Variants in SLC38A1 observed in about 807,000 individuals in gnomAD.
The protein encoded by SLC38A1 is sodium-coupled neutral amino acid symporter 1.
SLC38A1 carries 18 observed loss-of-function variants against 60.3 expected under a neutral mutation model. The ratio of observed to expected loss-of-function variants is 0.30; its 90% CI spans 0.21 to 0.44. SLC38A1 has a LOEUF of 0.44. Among genes scored for constraint, SLC38A1 ranks in the 20% least tolerant of loss-of-function variants. SLC38A1 has a pLI of 1.00. For missense variants in SLC38A1, 448 were observed against 587.2 expected, an observed-to-expected ratio of 0.76 and a Z score of 2.45; for synonymous variants, 196 against 212.1, an observed-to-expected ratio of 0.92 and a Z score of 0.66.
At chr12:46,194,318 G>A (rs544770809) in intron 16 of SLC38A1, among the ~76,000 whole-genome samples, 3 of 152,326 alleles carry the variant, frequency 2.0e-5, no homozygotes, top group East Asian at 3.9e-4. Flanking sequence ...TAGTCTGACA[G>A]GCTTCCTTTT....
intron 5 of SLC38A1, among the ~76,000 whole-genome samples, chr12:46,223,054 C>T (rs142835206): frequency 6.8e-4 from 103 of 152,156 alleles, no homozygotes; most frequent in Non-Finnish European, 1.1e-3. Flanking sequence ...TGCAAGCATC[C>T]GTTGATAAAA....
intron 5 of SLC38A1, among the ~76,000 whole-genome samples, chr12:46,210,752 C>T (rs896389289): frequency 4.6e-5 from 7 of 152,110 alleles, no homozygotes; most frequent in Admixed American, 1.3e-4. Flanking sequence ...CTCTTGTCTG[C>T]GGGCAAGTAA....
chr12:46,220,032 C>T (rs1295382612), intron 5 of SLC38A1, among the ~76,000 whole-genome samples: 2 of 152,232 alleles, frequency 1.3e-5, no homozygotes, highest in Admixed American at 1.3e-4. Context: ...AGATGCATCA[C>T]AGACGACTCA....
At chr12:46,259,071 T>A (rs1942119968) in intron 1 of SLC38A1, among the ~76,000 whole-genome samples, 1 of 152,204 alleles carries the variant, frequency 6.6e-6, no homozygotes, top group Non-Finnish European at 1.5e-5. Flanking sequence ...AGTGACCACG[T>A]GAGATGATGG....
chr12:46,202,978 G>T, intron 12 of SLC38A1, 32 bp downstream of exon 12: 1 of 1,555,380 alleles, frequency 6.4e-7, no homozygotes, highest in South Asian at 1.1e-5. Context: ...GATGTAAAAC[G>T]ATTAAGATAA....
At chr12:46,199,793 G>T (rs1477104963) in intron 13 of SLC38A1, among the ~76,000 whole-genome samples, 1 of 152,044 alleles carries the variant, frequency 6.6e-6, no homozygotes, top group Non-Finnish European at 1.5e-5. Flanking sequence ...TTCCCCTCCT[G>T]TCTCCTGCAA....
chr12:46,247,789 G>T (rs1279015294), intron 1 of SLC38A1, among the ~76,000 whole-genome samples: 57 of 152,186 alleles, frequency 3.7e-4, no homozygotes, highest in Non-Finnish European at 1.0e-4. Flanking sequence ...CAGAGAGAAA[G>T]GTCGGGTTAC....
chr12:46,204,696 TATTTC>T (rs1225731626), intron 9 of SLC38A1, 106 bp from the exon 10 acceptor site: 2 of 732,886 alleles, frequency 2.7e-6, no homozygotes, highest in African/African-American at 3.6e-5. Flanking sequence ...TCACCTCACT[TATTTC>T]AGTGCATTAT....
intron 3 of SLC38A1, among the ~76,000 whole-genome samples, chr12:46,232,278 G>T (rs915606650): frequency 6.6e-6 from 1 of 152,224 alleles, no homozygotes; most frequent in African/African-American, 2.4e-5. Context: ...ACCAGTATAG[G>T]AACGTCAGGC....
chr12:46,218,899 C>A (rs952909269), intron 5 of SLC38A1, among the ~76,000 whole-genome samples: 1 of 151,834 alleles, frequency 6.6e-6, no homozygotes. Context: ...ACTGGTTGGG[C>A]GAGATTACCA....
rs545142963 is a variant in SLC38A1 at position 46,268,823 on chromosome 12, A to G, written c.-506T>C. ...GATTGCATCAGAATCTCCCCTCACC[A>G]CCAACCCCCACTCACACTCTGCTCG... On this transcript the variant is annotated 5_prime_UTR_variant, in exon 1 of 17. Coordinates refer to ENST00000398637, the MANE Select transcript of SLC38A1 (RefSeq NM_030674.4). The surrounding 1 kb of genome is among the most constrained non-coding windows in gnomAD (Gnocchi z 4.4). 433 of 443,454 alleles carry G rather than the reference A, an allele frequency of 9.8e-4. 1 individual carries two copies. Among genetic ancestry groups the G allele is most frequent in the Non-Finnish European group, 1.7e-3 (378 of 218,500 alleles). The allele number at this position is 443,454 out of a possible 1,614,324, so 27.5% of individuals were successfully genotyped here. A position where few individuals can be genotyped will look rare whatever the true frequency, so the allele number is the denominator to read the frequency against.
chr12:46,248,120 A>G (rs1452770628), intron 1 of SLC38A1, among the ~76,000 whole-genome samples: 2 of 152,190 alleles, frequency 1.3e-5, no homozygotes, highest in Non-Finnish European at 1.5e-5. Context: ...TGAAGAAACT[A>G]CATCAATTAA....
At chr12:46,229,320 T>A (rs1225293338) in intron 4 of SLC38A1, 52 bp from the exon 5 acceptor site, 2 of 1,295,636 alleles carry the variant, frequency 1.5e-6, no homozygotes, top group African/African-American at 2.9e-5. Flanking sequence ...CCAAGAAAGT[T>A]CATCAAGCCA....
chr12:46,200,537 G>A (rs191588544), intron 13 of SLC38A1, among the ~76,000 whole-genome samples: 11 of 152,124 alleles, frequency 7.2e-5, no homozygotes, highest in South Asian at 2.1e-4. Context: ...AGTAAACGCC[G>A]GTAAACTGTT....
At chr12:46,204,988 G>A (rs947604083) in intron 9 of SLC38A1, among the ~76,000 whole-genome samples, 1 of 152,158 alleles carries the variant, frequency 6.6e-6, no homozygotes, top group Non-Finnish European at 1.5e-5. Flanking sequence ...CCCCTCAATA[G>A]CTCTTTATTA....
chr12:46,210,651 T>A (rs1402573869), intron 5 of SLC38A1, among the ~76,000 whole-genome samples: 1 of 152,168 alleles, frequency 6.6e-6, no homozygotes, highest in Non-Finnish European at 1.5e-5. Flanking sequence ...GGGGCAGTTC[T>A]CTCATACTGT....
chr12:46,211,351 G>A (rs1346026635), intron 5 of SLC38A1, among the ~76,000 whole-genome samples: 1 of 152,210 alleles, frequency 6.6e-6, no homozygotes, highest in African/African-American at 2.4e-5. Context: ...CAAGGCTAAT[G>A]TATAAAGAGT....
chr12:46,226,617 C>CTTTTTT (rs199599486), intron 5 of SLC38A1, among the ~76,000 whole-genome samples: 1 of 122,980 alleles, frequency 8.1e-6, no homozygotes, highest in African/African-American at 2.9e-5. Flanking sequence ...CATGGATTTC[C>CTTTTTT]TTTTTTTTTT....
Position 46,209,063 on chromosome 12 carries a change from T to C in SLC38A1, c.379A>G (p.Lys127Glu). The part of the protein sequence containing the change: ...YSINLLLICS[K>E]ETGCMVYEKL... Reference sequence around the variant, plus strand: ...CACGTCCTCAGCTTACCTGTTTCTTTTGAACAGATCAATAGGAGGTTTATT... The same window carrying C: ...CACGTCCTCAGCTTACCTGTTTCTTCTGAACAGATCAATAGGAGGTTTATT... The change falls in exon 6 of 17, where the codon AAA (lysine) becomes GAA (glutamate). Residue 127 changes from lysine to glutamate, a missense_variant. Transcript: ENST00000398637. 1 of 1,610,512 alleles carries C rather than the reference T, an allele frequency of 6.2e-7. No individual in the cohort carries two copies.
Sources: gnomAD v4.1 joint callset for allele counts (sites outside exome capture counted in the v4.1 genomes callset) on GRCh38, gnomAD v4.1.1 for gene constraint, Gnocchi (gnomAD v3.1) non-coding constraint, MANE v1.5 for transcripts, NCBI Gene and HGNC (gene_info 2026-07-23, HGNC 2026-07-21) for gene names.